Variants in RARB observed in about 807,000 individuals in gnomAD.
The protein encoded by RARB is retinoic acid receptor beta.
A neutral mutation model predicts 51.9 loss-of-function variants in RARB; 17 were observed. That is an observed-to-expected ratio of 0.33 (90% CI 0.22 to 0.49). The LOEUF (loss-of-function observed/expected upper bound fraction) is 0.49. RARB is among the 20% of genes least tolerant of loss of function. The probability of loss-of-function intolerance (pLI) is 0.99; values close to 1 mark genes in which losing one functional copy is unlikely to be tolerated. For synonymous variants in RARB, 215 were observed against 195.4 expected (o/e 1.10, Z -0.84); for missense variants, 369 against 550.8 (o/e 0.67, Z 3.30).
intron 5 of RARB, among the ~76,000 whole-genome samples, chr3:25,400,641 C>T (rs544374043): frequency 6.6e-6 from 1 of 152,232 alleles, no homozygotes; most frequent in South Asian, 2.1e-4. Flanking sequence ...GATGTGAATG[C>T]CCTCAGGATA....
chr3:25,353,136 T>TA (rs1157369137), intron 5 of RARB, among the ~76,000 whole-genome samples: 1 of 151,972 alleles, frequency 6.6e-6, no homozygotes, highest in African/African-American at 2.4e-5. Context: ...GCCTTTACTT[T>TA]AAAGTTTAGA....
chr3:25,175,131 C>G (rs184419312), intron 5 of RARB, among the ~76,000 whole-genome samples: 4 of 152,278 alleles, frequency 2.6e-5, no homozygotes, highest in Admixed American at 2.6e-4. Context: ...CCCAGATCTT[C>G]CCTTAAATTT....
intron 2 of RARB, among the ~76,000 whole-genome samples, chr3:24,984,214 C>A (rs1217446736): frequency 6.6e-6 from 1 of 152,092 alleles, no homozygotes; most frequent in Non-Finnish European, 1.5e-5. Flanking sequence ...GCAAAAGTAA[C>A]CTAAATGGCA....
intron 5 of RARB, among the ~76,000 whole-genome samples, chr3:25,205,809 T>C (rs112527162): frequency 0.14 from 21,868 of 151,958 alleles, 1,719 homozygotes; most frequent in Non-Finnish European, 0.17. Flanking sequence ...GTGGTGCAAT[T>C]ATGGCTCACT....
At chr3:25,163,793 A>G (rs1416232663) in intron 4 of RARB, among the ~76,000 whole-genome samples, 2 of 152,094 alleles carry the variant, frequency 1.3e-5, no homozygotes, top group African/African-American at 2.4e-5. Flanking sequence ...TGGAACACCA[A>G]TTAGAAAACT....
chr3:25,461,104 G>T, intron 1 of RARB, 89 bp from the exon 2 acceptor site: 1 of 1,421,462 alleles, frequency 7.0e-7, no homozygotes, highest in South Asian at 1.4e-5. Context: ...CTGAATTTGG[G>T]GCAGAAGCAT....
At chr3:25,246,803 G>A (rs1702572303) in intron 5 of RARB, among the ~76,000 whole-genome samples, 1 of 152,184 alleles carries the variant, frequency 6.6e-6, no homozygotes. Context: ...AGGGTTTGGA[G>A]ACCCACTTGA....
At chr3:25,238,617 C>A (rs556835901) in intron 5 of RARB, among the ~76,000 whole-genome samples, 1 of 152,276 alleles carries the variant, frequency 6.6e-6, no homozygotes, top group East Asian at 1.9e-4. Flanking sequence ...TACTTTACAT[C>A]CCCACCAATG....
At chr3:25,340,272 T>C (rs1705190967) in intron 5 of RARB, among the ~76,000 whole-genome samples, 1 of 152,150 alleles carries the variant, frequency 6.6e-6, no homozygotes, top group Non-Finnish European at 1.5e-5. Flanking sequence ...CATCATGTTG[T>C]TTTAATAATT....
intron 1 of RARB, among the ~76,000 whole-genome samples, chr3:25,451,294 T>G (rs1709183971): frequency 6.6e-6 from 1 of 152,214 alleles, no homozygotes; most frequent in Non-Finnish European, 1.5e-5. Flanking sequence ...AAAGAAGGAC[T>G]AGGGCTCAGA....
At chr3:25,010,025 G>T (rs1249626224) in intron 2 of RARB, among the ~76,000 whole-genome samples, 2 of 152,060 alleles carry the variant, frequency 1.3e-5, no homozygotes, top group Non-Finnish European at 2.9e-5. Flanking sequence ...CAAATGCTGG[G>T]TCATGACCCT....
At chr3:25,030,045 T>A (rs1196847468) in intron 2 of RARB, among the ~76,000 whole-genome samples, 1 of 152,218 alleles carries the variant, frequency 6.6e-6, no homozygotes. Flanking sequence ...GAGACAGATA[T>A]CTCATGCCAT....
At chr3:25,342,736 C>G (rs760220194) in intron 5 of RARB, among the ~76,000 whole-genome samples, 1 of 152,166 alleles carries the variant, frequency 6.6e-6, no homozygotes, top group Non-Finnish European at 1.5e-5. Flanking sequence ...ATTTTTCTGC[C>G]TTGGTAGCTA....
At chr3:25,303,397 G>T (rs1704084991) in intron 5 of RARB, among the ~76,000 whole-genome samples, 2 of 152,170 alleles carry the variant, frequency 1.3e-5, no homozygotes, top group African/African-American at 4.8e-5. Flanking sequence ...CTGCAATTAA[G>T]CTAGAACATA....
At chr3:24,874,937 A>G (rs1703013168) in intron 2 of RARB, among the ~76,000 whole-genome samples, 1 of 152,048 alleles carries the variant, frequency 6.6e-6, no homozygotes. Context: ...TAGTTGTTAC[A>G]TTAGAAATAG....
At chr3:25,544,115 G>A (rs1343338985) in intron 3 of RARB, among the ~76,000 whole-genome samples, 1 of 151,798 alleles carries the variant, frequency 6.6e-6, no homozygotes, top group African/African-American at 2.4e-5. Flanking sequence ...TTCTTCCAAA[G>A]GCCATTTAAT....
intron 3 of RARB, among the ~76,000 whole-genome samples, chr3:25,530,100 C>G (rs936604148): frequency 4.5e-4 from 68 of 152,146 alleles, no homozygotes; most frequent in Non-Finnish European, 8.4e-4. Context: ...TGTCTGTGGA[C>G]TTCTCTATGT....
chr3:25,451,148 A>C (rs1709177982), intron 1 of RARB, among the ~76,000 whole-genome samples: 1 of 152,226 alleles, frequency 6.6e-6, no homozygotes, highest in African/African-American at 2.4e-5. Flanking sequence ...GTGGAAGGGA[A>C]ATGTGTTTGT....
At chr3:25,360,233 C>G (rs1472432172) in intron 5 of RARB, among the ~76,000 whole-genome samples, 1 of 152,116 alleles carries the variant, frequency 6.6e-6, no homozygotes, top group Non-Finnish European at 1.5e-5. Context: ...TATGTAATGG[C>G]CTTCTTTGTC....
Sources: gnomAD v4.1 joint callset for allele counts (sites outside exome capture counted in the v4.1 genomes callset) on GRCh38, gnomAD v4.1.1 for gene constraint, MANE v1.5 for transcripts, NCBI Gene and HGNC (gene_info 2026-07-23, HGNC 2026-07-21) for gene names.